COL27A1: variants seen among roughly 807,000 people sequenced by gnomAD.
The protein encoded by COL27A1 is collagen type XXVII alpha 1 chain, also known as collagen alpha-1(XXVII) chain.
A neutral mutation model predicts 251.3 loss-of-function variants in COL27A1; 106 were observed. The ratio of observed to expected loss-of-function variants is 0.42; its 90% CI spans 0.36 to 0.50. The LOEUF (loss-of-function observed/expected upper bound fraction) is 0.50. Among genes scored for constraint, COL27A1 ranks in the 20% least tolerant of loss-of-function variants. COL27A1 has a pLI of 0.00. For missense variants in COL27A1, 2,325 were observed against 2,522.8 expected, an observed-to-expected ratio of 0.92 and a Z score of 1.68; for synonymous variants, 1,000 against 986.3, an observed-to-expected ratio of 1.01 and a Z score of -0.26.
intron 22 of COL27A1, among the ~76,000 whole-genome samples, 157 bp from the exon 23 acceptor site, chr9:114,243,350 C>A (rs1391959952): frequency 6.6e-6 from 1 of 152,184 alleles, no homozygotes; most frequent in Non-Finnish European, 1.5e-5. Context: ...TCCAGGACAG[C>A]TGGCCACCTG....
Position 114,290,840 on chromosome 9 carries a change from C to T in COL27A1, c.4399C>T (p.Pro1467Ser), listed in dbSNP as rs1178271022. ...GCAGGGAGACGATGGGGACCCTGGC[C>T]CCATGGGCCCTGCTGGGAAGAGAGG... The part of the protein sequence containing the change: ...GEQGDDGDPG[P>S]MGPAGKRGNP... Residue 1467 changes from proline (P) to serine (S), a missense_variant, in exon 48 of 61, where the codon CCC becomes TCC. Pro to Ser is a moderately conservative substitution (Grantham distance 74). Transcript: ENST00000356083. This position sits in a 1 kb window ranked among gnomAD's most constrained non-coding sequence, Gnocchi z 4.6. 15 of 1,551,350 alleles carry T rather than the reference C, an allele frequency of 9.7e-6. No homozygotes were observed. The highest frequency in any genetic ancestry group is 2.0e-5 in the Admixed American group (1 of 50,948).
At chr9:114,161,207 A>G (rs919608894) in intron 1 of COL27A1, among the ~76,000 whole-genome samples, 6 of 152,026 alleles carry the variant, frequency 3.9e-5, no homozygotes, top group African/African-American at 1.4e-4. Context: ...GTATGTCCTT[A>G]CTCAACAACA....
chr9:114,269,293 G>A lies in COL27A1; in HGVS notation c.3554G>A (p.Arg1185Gln), dbSNP rs374160108. The stretch of plus-strand genomic sequence containing the variant: ...GGGGAGCAGGGCCTCATTGGGCAAC[G>A]GGTAAGTTGAAGCAATTTATTCTTC... ...TPGEQGLIGQ[R>Q]GEPGLEGDSG... is the part of the protein sequence containing the mutation. Residue 1185 changes from arginine to glutamine, a missense_variant and splice_region_variant, in exon 35 of 61, where the codon CGG (arginine) becomes CAG (glutamine). Transcript: ENST00000356083. 1.1e-5 allele frequency: 17 copies of A among 1,607,806 alleles called. No individual in the cohort carries two copies. Among genetic ancestry groups the A allele is most frequent in the African/African-American group, 1.3e-5 (1 of 74,674 alleles).
chr9:114,264,178 C>T (rs539910301), intron 28 of COL27A1, among the ~76,000 whole-genome samples, 177 bp from the exon 29 acceptor site: 7 of 152,192 alleles, frequency 4.6e-5, no homozygotes, highest in East Asian at 1.9e-4. Flanking sequence ...AGAGCTGTCT[C>T]GAAGGCGCTG....
At chr9:114,211,555 G>A (rs1830370155) in intron 12 of COL27A1, among the ~76,000 whole-genome samples, 1 of 152,256 alleles carries the variant, frequency 6.6e-6, no homozygotes, top group Admixed American at 6.5e-5. Flanking sequence ...TTTCTCTATG[G>A]CTCCCCATCA....
Position 114,311,548 on chromosome 9 carries a change from G to GAAAAAAAAAAAAAAAAAGA in COL27A1, c.*871_*872insAAAAAAAAAAAAAAAAAAG, listed in dbSNP as rs1829450933. The GAAAAAAAAAAAAAAAAAGA allele has an allele frequency of 7.7e-4, 74 of 95,906 alleles. No homozygotes were observed. Among genetic ancestry groups the GAAAAAAAAAAAAAAAAAGA allele is most frequent in the Middle Eastern group, 5.4e-3 (1 of 184 alleles). The allele number at this position is 95,906 out of a possible 1,614,324, so 5.9% of individuals were successfully genotyped here. A position where few individuals can be genotyped will look rare whatever the true frequency, so the allele number is the denominator to read the frequency against. ...AGGAGGAAAAAAGAAAAGAAAAAAGGAAAAAAAAAAAAAAAAAGCAAAACA... is the reference window on the plus strand; with the variant it reads ...AGGAGGAAAAAAGAAAAGAAAAAAGGAAAAAAAAAAAAAAAAAGAAAAAAAAAAAAAAAAAAGCAAAACA... On this transcript the variant is annotated 3_prime_UTR_variant, in exon 61 of 61. Transcript: ENST00000356083.
In COL27A1 at chr9:114,275,860, C is replaced by A. The variant is rs1028078429; in HGVS notation, c.3717+92C>A. On this transcript the variant is annotated intron_variant, in intron 37 of 60. Coordinates refer to ENST00000356083, the MANE Select transcript of COL27A1 (RefSeq NM_032888.4). ...GCGGCTGGGCGGGAGGGCTTTTGGTCGTGCCACTGAAGGATCTTCTGCTGT... is the reference window on the plus strand; with the variant it reads ...GCGGCTGGGCGGGAGGGCTTTTGGTAGTGCCACTGAAGGATCTTCTGCTGT... 3.9e-6 allele frequency: 3 copies of A among 775,514 alleles called. No individual in the cohort carries two copies. In the South Asian group the frequency reaches 5.5e-5, roughly 14 times the overall value. 48.0% of individuals were successfully genotyped at this position (775,514 alleles called of 1,614,324 possible).
intron 22 of COL27A1, 59 bp downstream of exon 22, chr9:114,242,290 G>T: frequency 6.8e-7 from 1 of 1,476,096 alleles, no homozygotes; most frequent in South Asian, 1.2e-5. Flanking sequence ...GCTGTGCACA[G>T]GCAGGGCAAC....
chr9:114,196,000 T>C lies in COL27A1; in HGVS notation c.2112T>C (p.Pro704=). ...CTGGGCTCTCCGGGAATCCAGGACC[T>C]CCGGGACGAAAGGTACTGTTTGGTT... ...GLPGLSGNPG[P]PGRKGHKGYP... Residue 704 remains proline (P), a synonymous_variant, in exon 7 of 61, where the codon CCT becomes CCC. Transcript: ENST00000356083. 6.2e-7 allele frequency: 1 copy of C among 1,614,096 alleles called. No homozygotes were observed. The highest frequency in any genetic ancestry group is 2.2e-5 in the East Asian group (1 of 44,858).
chr9:114,300,733 C>A, intron 51 of COL27A1, 46 bp downstream of exon 51: 1 of 1,445,278 alleles, frequency 6.9e-7, no homozygotes, highest in Non-Finnish European at 9.2e-7. Context: ...TGTCCTAGGC[C>A]CAAGGTTGGC....
intron 3 of COL27A1, among the ~76,000 whole-genome samples, chr9:114,172,967 G>T (rs1213649482): frequency 6.6e-6 from 1 of 152,240 alleles, no homozygotes; most frequent in Non-Finnish European, 1.5e-5. Flanking sequence ...TGAGAAAGGT[G>T]CAGTGGCTGT....
Position 114,300,132 on chromosome 9 carries a change from TC to T in COL27A1, c.4638+12del. 3 of 1,613,584 alleles carry T rather than the reference TC, an allele frequency of 1.9e-6. No homozygotes were observed. The highest frequency in any genetic ancestry group is 2.5e-6 in the Non-Finnish European group (3 of 1,179,518). On this transcript the variant is annotated intron_variant, in intron 50 of 60. Transcript: ENST00000356083. The stretch of plus-strand genomic sequence containing the variant: ...GTCTCTTCGGACCCAAGGTATGGAC[TC>T]CCACGGCTCACTGTTCCTGTGGGGT...
chr9:114,161,686 C>T (rs1056569615), intron 1 of COL27A1, among the ~76,000 whole-genome samples: 2 of 152,220 alleles, frequency 1.3e-5, no homozygotes. Flanking sequence ...GCCTGTGTCC[C>T]GCCTGTCTCT....
intron 1 of COL27A1, among the ~76,000 whole-genome samples, chr9:114,161,896 T>C (rs1588548000): frequency 6.6e-6 from 1 of 152,124 alleles, no homozygotes; most frequent in African/African-American, 2.4e-5. Flanking sequence ...GGGAGTATTT[T>C]TGTGGCTGGC....
chr9:114,301,644 G>A, intron 54 of COL27A1, 38 bp from the exon 55 acceptor site: 2 of 1,584,612 alleles, frequency 1.3e-6, no homozygotes, highest in Non-Finnish European at 8.6e-7. Flanking sequence ...TGAAGACCCT[G>A]TGGACCAGGG....
At position 114,237,700 on chromosome 9, in the gene COL27A1, G is replaced by T. The variant is rs761727886; in HGVS notation, c.2712G>T (p.Gly904=). 1 of 1,614,040 alleles carries T rather than the reference G, an allele frequency of 6.2e-7. No individual in the cohort carries two copies. The highest frequency in any genetic ancestry group is 1.3e-5 in the African/African-American group (1 of 75,040). ...ACAAAGGATCCATTGGGTTTCCCGG[G>T]CCCCCTGGACCCGAGGTATGTGATG... ...VGDKGSIGFP[G]PPGPEGFPGD... is the part of the protein sequence containing the mutation. Residue 904 remains glycine, a synonymous_variant, in exon 19 of 61, where the codon GGG becomes GGT. Coordinates refer to ENST00000356083, the MANE Select transcript of COL27A1 (RefSeq NM_032888.4).
At chr9:114,183,838 C>G (rs1413985340) in intron 5 of COL27A1, among the ~76,000 whole-genome samples, 1 of 152,096 alleles carries the variant, frequency 6.6e-6, no homozygotes, top group Non-Finnish European at 1.5e-5. Flanking sequence ...TTGGAATACT[C>G]GAATTCACTT....
At chr9:114,216,572 G>A (rs1227868663) in intron 12 of COL27A1, among the ~76,000 whole-genome samples, 1 of 152,170 alleles carries the variant, frequency 6.6e-6, no homozygotes, top group African/African-American at 2.4e-5. Flanking sequence ...TGTGTTCTGG[G>A]CTGCAGTCTC....
intron 27 of COL27A1, among the ~76,000 whole-genome samples, chr9:114,257,045 G>A (rs1320251673): frequency 6.6e-6 from 1 of 152,196 alleles, no homozygotes; most frequent in African/African-American, 2.4e-5. Flanking sequence ...GGGTCAGCCT[G>A]GGACCCAGCC....
Sources: allele counts gnomAD v4.1 joint callset (sites outside exome capture counted in the v4.1 genomes callset), GRCh38; gene constraint gnomAD v4.1.1; non-coding constraint Gnocchi (gnomAD v3.1); transcripts MANE v1.5; gene names NCBI Gene and HGNC (gene_info 2026-07-23, HGNC 2026-07-21).